C6orf89: variants seen among roughly 807,000 people sequenced by gnomAD.
The protein encoded by C6orf89 is chromosome 6 open reading frame 89.
C6orf89 carries 29 observed loss-of-function variants against 40.7 expected under a neutral mutation model. The observed-to-expected ratio is 0.71, with a 90% CI of 0.53 to 0.97. The LOEUF is 0.97. Ranked by LOEUF, C6orf89 falls within the 50% of genes least tolerant of loss-of-function variation. The pLI, the probability that C6orf89 is intolerant of heterozygous loss-of-function variation, is 0.00. For missense variants in C6orf89, 392 were observed against 429.1 expected (o/e 0.91, Z 0.76); for synonymous variants, 165 against 152.2 (o/e 1.08, Z -0.62).
chr6:36,915,728 G>A (rs576415302), intron 6 of C6orf89, among the ~76,000 whole-genome samples: 4 of 151,818 alleles, frequency 2.6e-5, no homozygotes, highest in African/African-American at 4.8e-5. Context: ...GGTTGGGGGA[G>A]GGGGAAAGAA....
chr6:36,908,585 A>G (rs1426862885), intron 4 of C6orf89, among the ~76,000 whole-genome samples: 1 of 152,140 alleles, frequency 6.6e-6, no homozygotes, highest in Non-Finnish European at 1.5e-5. Context: ...GATATACTTA[A>G]TATATATAAA....
chr6:36,922,591 T>C (rs1762550481), intron 8 of C6orf89, among the ~76,000 whole-genome samples: 1 of 152,210 alleles, frequency 6.6e-6, no homozygotes, highest in Non-Finnish European at 1.5e-5. Flanking sequence ...GGGAAATGCC[T>C]GTCTTGTTGA....
intron 4 of C6orf89, among the ~76,000 whole-genome samples, chr6:36,903,491 G>A (rs555805274): frequency 4.0e-5 from 6 of 151,446 alleles, no homozygotes; most frequent in Non-Finnish European, 7.4e-5. Context: ...TTGGAGTCTC[G>A]CTCTGTCGCC....
chr6:36,897,432 A>C (rs1346062423), intron 2 of C6orf89, among the ~76,000 whole-genome samples: 3 of 152,168 alleles, frequency 2.0e-5, no homozygotes, highest in Non-Finnish European at 4.4e-5. Flanking sequence ...GGTAGAAAAA[A>C]ATCAGCTTTT....
In C6orf89 at chr6:36,923,947, G is replaced by T; in HGVS notation, c.*506G>T. 5.0e-6 allele frequency: 1 copy of T among 198,076 alleles called. No individual in the cohort carries two copies. Among genetic ancestry groups the T allele is most frequent in the Non-Finnish European group, 1.1e-5 (1 of 94,484 alleles). 12.3% of individuals were successfully genotyped at this position (198,076 alleles called of 1,614,324 possible). ...GTTCTTGTAGTTTCCCAAGCAAAGT[G>T]GAATCTAGAAACAGTGAAAAAAGTT... On this transcript the variant is annotated 3_prime_UTR_variant, in exon 9 of 9. Coordinates refer to ENST00000480824, the MANE Select transcript of C6orf89 (RefSeq NM_001286635.2).
intron 8 of C6orf89, among the ~76,000 whole-genome samples, chr6:36,921,758 T>C (rs1312316578): frequency 6.6e-6 from 1 of 152,098 alleles, no homozygotes; most frequent in Admixed American, 6.5e-5. Flanking sequence ...CTGAGCAGGG[T>C]AGCTCACACC....
In C6orf89 at chr6:36,924,545, G is replaced by C. The variant is rs1049429994; in HGVS notation, c.*1104G>C. Reference sequence around the variant, plus strand: ...TTCTTTTTTGTAATAATATAAAGCTGTGTGTTTCTGATTGGATGATTCACT... The same window carrying C: ...TTCTTTTTTGTAATAATATAAAGCTCTGTGTTTCTGATTGGATGATTCACT... On this transcript the variant is annotated 3_prime_UTR_variant, in exon 9 of 9. Transcript: ENST00000480824. The C allele has an allele frequency of 2.0e-5, 3 of 152,202 alleles. No homozygotes were observed. Among genetic ancestry groups the C allele is most frequent in the African/African-American group, 7.2e-5 (3 of 41,436 alleles). The allele number at this position is 152,202 out of a possible 1,614,324, so 9.4% of individuals were successfully genotyped here. A position where few individuals can be genotyped will look rare whatever the true frequency, so the allele number is the denominator to read the frequency against.
intron 4 of C6orf89, among the ~76,000 whole-genome samples, chr6:36,912,690 C>T (rs1425000425): frequency 6.6e-6 from 1 of 152,132 alleles, no homozygotes; most frequent in Non-Finnish European, 1.5e-5. Context: ...AATAATCTTC[C>T]TGCGAGTTGA....
At chr6:36,879,389 C>T (rs1005284581) in intron 2 of C6orf89, among the ~76,000 whole-genome samples, 12 of 152,096 alleles carry the variant, frequency 7.9e-5, no homozygotes, top group African/African-American at 1.7e-4. Context: ...CTTTATGATG[C>T]GGCTTGGCCC....
At position 36,923,633 on chromosome 6, in the gene C6orf89, G is replaced by A; in HGVS notation, c.*192G>A. The A allele has an allele frequency of 1.6e-6, 1 of 628,222 alleles. No individual in the cohort carries two copies. The highest frequency in any genetic ancestry group is 1.6e-5 in the South Asian group (1 of 60,784). 38.9% of individuals were successfully genotyped at this position (628,222 alleles called of 1,614,324 possible). A position where few individuals can be genotyped will look rare whatever the true frequency, so the allele number is the denominator to read the frequency against. On this transcript the variant is annotated 3_prime_UTR_variant, in exon 9 of 9. Coordinates refer to ENST00000480824, the MANE Select transcript of C6orf89 (RefSeq NM_001286635.2). ...CCTCGCCCTCCTGACTCTTCCTGCA[G>A]GTGGCTCAGGAAGGATTCAGCCTGG... is the stretch of plus-strand genomic sequence containing the variant.
intron 1 of C6orf89, chr6:36,874,953 G>C (rs1561851117): frequency 3.1e-6 from 2 of 641,930 alleles, no homozygotes; most frequent in East Asian, 2.9e-5. Context: ...GGTGGGAGAC[G>C]AGAAGAAGCT....
chr6:36,896,751 C>G (rs548613609), intron 2 of C6orf89, among the ~76,000 whole-genome samples: 1 of 152,190 alleles, frequency 6.6e-6, no homozygotes, highest in South Asian at 2.1e-4. Flanking sequence ...TGAAGCCTCC[C>G]TCTCTGTGTT....
rs1475827612 is a variant in C6orf89, at chr6:36,914,700, G to A, written c.695+7G>A. The A allele has an allele frequency of 6.2e-7, 1 of 1,612,882 alleles. No individual in the cohort carries two copies. ...TCCCATTTCCTTATCCATGGTGAGTGTGAAAAGGGCCGGGCACAGTGGCTC... is the reference window on the plus strand; with the variant it reads ...TCCCATTTCCTTATCCATGGTGAGTATGAAAAGGGCCGGGCACAGTGGCTC... On this transcript the variant is annotated splice_region_variant and intron_variant, in intron 6 of 8. Coordinates refer to ENST00000480824, the MANE Select transcript of C6orf89 (RefSeq NM_001286635.2).
intron 8 of C6orf89, among the ~76,000 whole-genome samples, chr6:36,922,075 G>A (rs1042263153): frequency 5.7e-4 from 86 of 152,128 alleles, no homozygotes; most frequent in African/African-American, 1.9e-3. Flanking sequence ...GATGGCTCAC[G>A]CCTGTAATCC....
chr6:36,918,794 C>A (rs893046785), intron 7 of C6orf89, among the ~76,000 whole-genome samples: 2 of 152,178 alleles, frequency 1.3e-5, no homozygotes, highest in Non-Finnish European at 2.9e-5. Flanking sequence ...TGGTCCCAGC[C>A]CCACCCCAGG....
At chr6:36,881,815 T>C (rs548201102), upstream of C6orf89, among the ~76,000 whole-genome samples, 244 of 152,318 alleles carry the variant, frequency 1.6e-3, no homozygotes, top group African/African-American at 5.6e-3. Context: ...AGAGTTTTCT[T>C]AGAAGATTGT....
intron 2 of C6orf89, among the ~76,000 whole-genome samples, chr6:36,896,125 T>C (rs1038063316): frequency 6.6e-6 from 1 of 152,246 alleles, no homozygotes; most frequent in African/African-American, 2.4e-5. Flanking sequence ...TATCTTTTTT[T>C]GAGATGGAGT....
chr6:36,901,626 G>GC (rs1761718572), intron 3 of C6orf89, among the ~76,000 whole-genome samples: 1 of 148,212 alleles, frequency 6.7e-6, no homozygotes, highest in Non-Finnish European at 1.5e-5. Context: ...GAGCCACTGC[G>GC]CCCGGCCCCC....
At chr6:36,906,671 C>T (rs1035348114) in intron 4 of C6orf89, among the ~76,000 whole-genome samples, 31 of 152,172 alleles carry the variant, frequency 2.0e-4, no homozygotes, top group Admixed American at 7.9e-4. Flanking sequence ...TTTCCCTCTA[C>T]GGTGTGTGAA....
Sources: allele counts gnomAD v4.1 joint callset (sites outside exome capture counted in the v4.1 genomes callset), GRCh38; gene constraint gnomAD v4.1.1; transcripts MANE v1.5; gene names NCBI Gene and HGNC (gene_info 2026-07-23, HGNC 2026-07-21).